Variants in GRIN2B observed in about 807,000 individuals in gnomAD.
GRIN2B encodes glutamate ionotropic receptor NMDA type subunit 2B.
Under a neutral mutation model 114.5 loss-of-function variants are expected in GRIN2B, and 5 were observed. That is an observed-to-expected ratio of 0.04 (90% CI 0.02 to 0.09). The LOEUF (loss-of-function observed/expected upper bound fraction) is 0.09, where lower values mean the gene tolerates loss of function less well. GRIN2B is among the 10% of genes least tolerant of loss of function. GRIN2B has a pLI of 1.00. For missense variants in GRIN2B, 1,108 were observed against 1,943.5 expected, an observed-to-expected ratio of 0.57 and a Z score of 8.08; for synonymous variants, 787 against 745.1, an observed-to-expected ratio of 1.06 and a Z score of -0.92.
intron 10 of GRIN2B, among the ~76,000 whole-genome samples, chr12:13,597,290 C>T (rs1949086576): frequency 6.6e-6 from 1 of 152,180 alleles, no homozygotes. Context: ...CTTCCCAAAG[C>T]TGGATCAAAA....
chr12:13,925,681 G>A (rs75220616), intron 2 of GRIN2B, among the ~76,000 whole-genome samples: 2,182 of 151,908 alleles, frequency 0.014, 48 homozygotes, highest in African/African-American at 0.05. Context: ...AACTAACCAA[G>A]CCCAATAGTC....
chr12:13,848,097 C>A (rs1865498462), intron 3 of GRIN2B, among the ~76,000 whole-genome samples: 1 of 152,174 alleles, frequency 6.6e-6, no homozygotes, highest in Admixed American at 6.5e-5. Flanking sequence ...CCCAGCAGAG[C>A]CACCCCTCAT....
intron 10 of GRIN2B, among the ~76,000 whole-genome samples, chr12:13,582,714 C>G (rs1001196154): frequency 5.9e-5 from 9 of 151,290 alleles, no homozygotes; most frequent in Admixed American, 2.0e-4. Flanking sequence ...CAACGTGGAG[C>G]TGGGGTTCTA....
intron 3 of GRIN2B, among the ~76,000 whole-genome samples, chr12:13,799,195 G>A (rs1311864779): frequency 6.6e-6 from 1 of 152,070 alleles, no homozygotes; most frequent in Non-Finnish European, 1.5e-5. Flanking sequence ...TAAGAATCAT[G>A]GCCACTGATG....
intron 3 of GRIN2B, among the ~76,000 whole-genome samples, chr12:13,816,398 C>T (rs1358426000): frequency 6.6e-6 from 1 of 152,182 alleles, no homozygotes; most frequent in Non-Finnish European, 1.5e-5. Flanking sequence ...GACTTTCTAG[C>T]AGTGTTTTGA....
intron 3 of GRIN2B, among the ~76,000 whole-genome samples, chr12:13,776,574 T>A (rs1320301371): frequency 2.6e-5 from 4 of 152,148 alleles, no homozygotes; most frequent in African/African-American, 7.2e-5. Context: ...CAAATTAATA[T>A]AATCTTACAC....
At chr12:13,824,313 A>G (rs1405163505) in intron 3 of GRIN2B, among the ~76,000 whole-genome samples, 2 of 152,212 alleles carry the variant, frequency 1.3e-5, no homozygotes, top group African/African-American at 4.8e-5. Flanking sequence ...TATATAAAGA[A>G]TGACTTATTA....
At position 13,714,875 on chromosome 12, in the gene GRIN2B, G is replaced by A. The variant is rs190324872; in HGVS notation, c.1010+38442C>T. ...TGTTGTCTCCATTAACTCTTTTCTCGTCATATACCAAAGTAAAGAGTTTCT... is the reference window on the plus strand; with the variant it reads ...TGTTGTCTCCATTAACTCTTTTCTCATCATATACCAAAGTAAAGAGTTTCT... On this transcript the variant is annotated intron_variant, in intron 4 of 13. Transcript: ENST00000609686. Among the ~76,000 whole-genome samples the A allele has an allele frequency of 4.6e-5, 7 of 151,738 alleles. No homozygotes were observed. In the East Asian group the frequency reaches 5.8e-4, roughly 13 times the overall value.
At chr12:13,794,501 C>A (rs1226997349) in intron 3 of GRIN2B, among the ~76,000 whole-genome samples, 4 of 152,172 alleles carry the variant, frequency 2.6e-5, no homozygotes, top group African/African-American at 4.8e-5. Context: ...CCACTCCCCA[C>A]TAACCTCCCC....
intron 8 of GRIN2B, among the ~76,000 whole-genome samples, chr12:13,613,084 CTG>C (rs1283491642): frequency 1.3e-5 from 2 of 152,194 alleles, no homozygotes; most frequent in South Asian, 2.1e-4. Flanking sequence ...AACACACCAA[CTG>C]TGAAATGCAA....
At chr12:13,625,857 C>G (rs752813911) in intron 5 of GRIN2B, among the ~76,000 whole-genome samples, 1 of 152,252 alleles carries the variant, frequency 6.6e-6, no homozygotes, top group African/African-American at 2.4e-5. Flanking sequence ...CGAGGTGGTG[C>G]CTCGTCATAA....
chr12:13,650,803 C>T, intron 5 of GRIN2B, among the ~76,000 whole-genome samples: 1 of 152,068 alleles, frequency 6.6e-6, no homozygotes. Flanking sequence ...TTATTCCCAA[C>T]ATTTTCTATC....
intron 2 of GRIN2B, among the ~76,000 whole-genome samples, chr12:13,974,654 T>C (rs1429715186): frequency 6.6e-6 from 1 of 152,138 alleles, no homozygotes; most frequent in East Asian, 1.9e-4. Context: ...CTCCTCACTC[T>C]CCCAGATTTC....
At chr12:13,712,542 T>G (rs1171629210) in intron 4 of GRIN2B, among the ~76,000 whole-genome samples, 2 of 151,834 alleles carry the variant, frequency 1.3e-5, no homozygotes, top group Non-Finnish European at 2.9e-5. Flanking sequence ...GAGACACAAC[T>G]AGTGATAAAA....
chr12:13,937,349 T>C (rs1249916138), intron 2 of GRIN2B, among the ~76,000 whole-genome samples: 1 of 152,004 alleles, frequency 6.6e-6, no homozygotes, highest in Non-Finnish European at 1.5e-5. Flanking sequence ...GAATCAAACC[T>C]AATTACATCA....
At chr12:13,660,621 T>C (rs1949912561) in intron 5 of GRIN2B, among the ~76,000 whole-genome samples, 1 of 152,104 alleles carries the variant, frequency 6.6e-6, no homozygotes, top group Non-Finnish European at 1.5e-5. Context: ...AGTAGAAAAA[T>C]GCTATATGGT....
At chr12:13,646,186 A>G (rs1332427459) in intron 5 of GRIN2B, among the ~76,000 whole-genome samples, 1 of 152,144 alleles carries the variant, frequency 6.6e-6, no homozygotes, top group Non-Finnish European at 1.5e-5. Flanking sequence ...TAATTCAAAG[A>G]CATATATGCA....
At chr12:13,943,859 G>T (rs142412303) in intron 2 of GRIN2B, among the ~76,000 whole-genome samples, 1 of 152,116 alleles carries the variant, frequency 6.6e-6, no homozygotes, top group Admixed American at 6.5e-5. Flanking sequence ...GCATCTCTTC[G>T]TTTATTGTCT....
rs371976889 is a variant in GRIN2B at position 13,745,807 on chromosome 12, T to G, written c.1010+7510A>C. ...TCCAGGACCCCTAAGGCAGATCAGG[T>G]CAGTCTGGCATCACACAGCCTGAGC... On this transcript the variant is annotated intron_variant, in intron 4 of 13. Transcript: ENST00000609686. Among the ~76,000 whole-genome samples the G allele has an allele frequency of 9.2e-5, 14 of 152,256 alleles. No homozygotes were observed. The East Asian group carries it at 2.1e-3, about 23-fold the overall frequency.
Sources: gnomAD v4.1 joint callset for allele counts (sites outside exome capture counted in the v4.1 genomes callset) on GRCh38, gnomAD v4.1.1 for gene constraint, MANE v1.5 for transcripts, NCBI Gene and HGNC (gene_info 2026-07-23, HGNC 2026-07-21) for gene names.